TMEM255A: variants seen among roughly 807,000 people sequenced by gnomAD.
The protein encoded by TMEM255A is family with sequence similarity 70, member A.
In TMEM255A, 14 loss-of-function variants were observed where a neutral mutation model predicts 23.5. That is an observed-to-expected ratio of 0.60 (90% confidence interval 0.39 to 0.93). The LOEUF is 0.93. TMEM255A is among the 40% of genes least tolerant of loss of function. The probability of loss-of-function intolerance (pLI) is 0.00; values close to 1 mark genes in which losing one functional copy is unlikely to be tolerated. For synonymous variants in TMEM255A, 104 were observed against 100.3 expected, an observed-to-expected ratio of 1.04 and a Z score of -0.22; for missense variants, 233 against 261.7, an observed-to-expected ratio of 0.89 and a Z score of 0.76.
intron 8 of TMEM255A, among the ~76,000 whole-genome samples, chrX:120,262,968 C>T (rs1204042493): frequency 3.6e-5 from 4 of 110,917 alleles, no homozygotes; most frequent in Non-Finnish European, 5.7e-5. Context: ...GGTACAACGG[C>T]CCTTGGGTTT....
chrX:120,260,754 GCCATT>G lies in TMEM255A; in HGVS notation c.*111_*115del. ...TCCCTATCTTTCCCTAGCCTGGCAG[GCCATT>G]GTAAAACTTTATGCATAAGAGTCAC... On this transcript the variant is annotated 3_prime_UTR_variant, in exon 9 of 9. Transcript: ENST00000371369. 1 of 986,344 alleles carries G rather than the reference GCCATT, an allele frequency of 1.0e-6. No individual in the cohort carries two copies. The allele number at this position is 986,344 out of a possible 1,213,427, so 81.3% of individuals were successfully genotyped here. A position where few individuals can be genotyped will look rare whatever the true frequency, so the allele number is the denominator to read the frequency against.
intron 2 of TMEM255A, among the ~76,000 whole-genome samples, chrX:120,299,169 G>A (rs1484213161): frequency 9.0e-6 from 1 of 111,543 alleles, no homozygotes; most frequent in African/African-American, 3.3e-5. Context: ...TTAGAGACAG[G>A]ATCTCACTCT....
chrX:120,310,431 G>A (rs782366212), intron 1 of TMEM255A, among the ~76,000 whole-genome samples: 26 of 111,183 alleles, frequency 2.3e-4, no homozygotes, highest in Admixed American at 2.3e-3. Context: ...AAGGAAAGGA[G>A]TCGAAGGGTG....
At chrX:120,270,804 G>A (rs782562071) in intron 7 of TMEM255A, among the ~76,000 whole-genome samples, 1 of 110,446 alleles carries the variant, frequency 9.1e-6, no homozygotes, top group South Asian at 3.9e-4. Flanking sequence ...AGCACCCCCG[G>A]GCCTCCCTGC....
At chrX:120,269,126 C>A (rs2057737479) in intron 7 of TMEM255A, among the ~76,000 whole-genome samples, 1 of 59,800 alleles carries the variant, frequency 1.7e-5, no homozygotes, top group African/African-American at 4.8e-5. Context: ...TTGATCCCCC[C>A]ACCTTTTTTT....
At chrX:120,270,670 G>A (rs992209379) in intron 7 of TMEM255A, among the ~76,000 whole-genome samples, 2 of 111,391 alleles carry the variant, frequency 1.8e-5, no homozygotes, top group Non-Finnish European at 3.8e-5. Context: ...AGCACCTCTT[G>A]TCAGGGTTCC....
chrX:120,310,687 C>T (rs1342286362), intron 1 of TMEM255A, among the ~76,000 whole-genome samples: 1 of 61,990 alleles, frequency 1.6e-5, no homozygotes, highest in Non-Finnish European at 2.9e-5. Flanking sequence ...TCATCCCCCC[C>T]TTTCTTCTCA....
At chrX:120,284,340 A>G (rs782215228) in intron 6 of TMEM255A, among the ~76,000 whole-genome samples, 105 of 112,124 alleles carry the variant, frequency 9.4e-4, no homozygotes, top group African/African-American at 3.1e-3. Flanking sequence ...TAGCAGAACC[A>G]GCACCAAAAC....
chrX:120,261,600 C>T (rs966240225), intron 8 of TMEM255A, among the ~76,000 whole-genome samples: 1 of 111,475 alleles, frequency 9.0e-6, no homozygotes, highest in Non-Finnish European at 1.9e-5. Flanking sequence ...TTCTACTCCA[C>T]CTTAACTGCT....
intron 7 of TMEM255A, 51 bp downstream of exon 7, chrX:120,276,834 C>G (rs185734002): frequency 1.3e-5 from 15 of 1,163,209 alleles, no homozygotes; most frequent in Middle Eastern, 2.4e-4. Flanking sequence ...TAGCCTTCCC[C>G]CTATGTCCAA....
chrX:120,309,093 C>G (rs1282710939), intron 1 of TMEM255A, among the ~76,000 whole-genome samples: 2 of 112,517 alleles, frequency 1.8e-5, no homozygotes, highest in Non-Finnish European at 3.8e-5. Context: ...GTAGCCTAGA[C>G]GCTGATTCAG....
intron 8 of TMEM255A, among the ~76,000 whole-genome samples, chrX:120,266,062 G>A (rs2057715204): frequency 9.3e-6 from 1 of 107,598 alleles, no homozygotes; most frequent in Non-Finnish European, 1.9e-5. Context: ...GCTGAGGCAG[G>A]AGAATCGCTT....
At chrX:120,281,534 G>A (rs1163588526) in intron 6 of TMEM255A, among the ~76,000 whole-genome samples, 1 of 112,368 alleles carries the variant, frequency 8.9e-6, no homozygotes, top group East Asian at 2.8e-4. Context: ...CTGCATATAC[G>A]TTTAAGTCCC....
intron 2 of TMEM255A, 145 bp downstream of exon 2, chrX:120,304,204 C>T (rs2058049480): frequency 1.3e-5 from 8 of 609,746 alleles, no homozygotes; most frequent in South Asian, 6.4e-5. Context: ...CCCAGAGTTG[C>T]CTCTCCACAT....
chrX:120,263,657 G>C lies in TMEM255A; in HGVS notation c.820-2629C>G, dbSNP rs140664807. On this transcript the variant is annotated intron_variant, in intron 8 of 8. Coordinates refer to ENST00000371369, the MANE Select transcript of TMEM255A (RefSeq NM_001104544.3). ...CAAGGGTAAAATCCCAGCATCTGTC[G>C]GTATTGTGCATTCCCTCTCTGTTCT... 5.0e-3 allele frequency among the ~76,000 whole-genome samples: 556 copies of C among 110,844 alleles called. 2 individuals carry two copies. Among genetic ancestry groups the C allele is most frequent in the African/African-American group, 0.018 (538 of 30,406 alleles).
intron 2 of TMEM255A, among the ~76,000 whole-genome samples, chrX:120,300,924 G>T (rs782733149): frequency 1.8e-5 from 2 of 109,524 alleles, no homozygotes; most frequent in African/African-American, 6.7e-5. Flanking sequence ...GTCTCACCAC[G>T]TTGCCCAGGC....
At chrX:120,254,831 A>G, downstream of TMEM255A, 1 of 1,212,099 alleles carries the variant, frequency 8.3e-7, no homozygotes, top group Non-Finnish European at 1.1e-6. Context: ...GCGAGATGGC[A>G]AACAAACGTA....
chrX:120,306,449 G>A (rs5910825), intron 1 of TMEM255A, among the ~76,000 whole-genome samples: 13,904 of 111,117 alleles, frequency 0.13, 641 homozygotes, highest in South Asian at 0.26. Context: ...CTGTGAGTTG[G>A]TTCTACAGAG....
intron 4 of TMEM255A, among the ~76,000 whole-genome samples, chrX:120,290,828 T>G (rs1428919833): frequency 1.8e-5 from 2 of 111,790 alleles, no homozygotes; most frequent in Non-Finnish European, 3.8e-5. Flanking sequence ...TTTCATAGAC[T>G]ATTTGGGTGA....
Sources: allele counts gnomAD v4.1 joint callset (sites outside exome capture counted in the v4.1 genomes callset), GRCh38; gene constraint gnomAD v4.1.1; transcripts MANE v1.5; gene names NCBI Gene and HGNC (gene_info 2026-07-23, HGNC 2026-07-21).